IMMP2L: variants seen among roughly 807,000 people sequenced by gnomAD.
IMMP2L encodes mitochondrial inner membrane protease subunit 2.
A neutral mutation model predicts 19.3 loss-of-function variants in IMMP2L; 18 were observed. That is an observed-to-expected ratio of 0.93 (90% confidence interval 0.64 to 1.38). The LOEUF is 1.38. IMMP2L is among the 40% of genes most tolerant of loss of function. The pLI is 0.00. For synonymous variants in IMMP2L, 76 were observed against 73.0 expected (o/e 1.04, Z -0.21); for missense variants, 233 against 218.2 (o/e 1.07, Z -0.43).
intron 3 of IMMP2L, among the ~76,000 whole-genome samples, chr7:111,170,155 A>G (rs969107848): frequency 2.6e-5 from 4 of 151,860 alleles, no homozygotes; most frequent in Admixed American, 2.6e-4. Flanking sequence ...CATTTGGAAG[A>G]AAAAAACCCA....
chr7:111,402,112 C>T (rs1478443366), intron 3 of IMMP2L, among the ~76,000 whole-genome samples: 1 of 134,758 alleles, frequency 7.4e-6, no homozygotes, highest in Non-Finnish European at 1.6e-5. Context: ...CATAGCAAGA[C>T]CCCATCTCAA....
chr7:110,886,476 T>A lies in IMMP2L; in HGVS notation c.408+117A>T, dbSNP rs1441287456. 11 of 635,714 alleles carry A rather than the reference T, an allele frequency of 1.7e-5. No individual in the cohort carries two copies. In the East Asian group the frequency reaches 2.7e-4, roughly 16 times the overall value. 39.4% of individuals were successfully genotyped at this position (635,714 alleles called of 1,614,324 possible). On this transcript the variant is annotated intron_variant, in intron 5 of 5. Transcript: ENST00000405709. ...AAGGAAATTTTCAAACATAAACTATTCCAGTATAAATTTCATGATCAGTCT... is the reference window on the plus strand; with the variant it reads ...AAGGAAATTTTCAAACATAAACTATACCAGTATAAATTTCATGATCAGTCT...
At chr7:111,164,795 T>C (rs1349111027) in intron 3 of IMMP2L, among the ~76,000 whole-genome samples, 3 of 152,074 alleles carry the variant, frequency 2.0e-5, no homozygotes, top group Non-Finnish European at 4.4e-5. Context: ...GGACATGCCA[T>C]TTTGTCATTT....
chr7:111,424,046 C>T (rs1038679130), intron 3 of IMMP2L, among the ~76,000 whole-genome samples: 1 of 151,862 alleles, frequency 6.6e-6, no homozygotes, highest in Admixed American at 6.6e-5. Context: ...ATCTGATCAA[C>T]TTTGAATAAT....
intron 3 of IMMP2L, among the ~76,000 whole-genome samples, chr7:111,323,691 C>T (rs1003392249): frequency 1.1e-4 from 17 of 152,046 alleles, no homozygotes; most frequent in African/African-American, 3.9e-4. Flanking sequence ...CACATCCACG[C>T]ATATGTTTAT....
intron 3 of IMMP2L, among the ~76,000 whole-genome samples, chr7:111,028,090 TAAG>T (rs1827042402): frequency 6.6e-6 from 1 of 152,120 alleles, no homozygotes; most frequent in African/African-American, 2.4e-5. Flanking sequence ...GTTAAAAGTT[TAAG>T]AAGTTCAAAA....
intron 3 of IMMP2L, among the ~76,000 whole-genome samples, chr7:111,318,795 A>G (rs1470770038): frequency 2.6e-5 from 4 of 152,162 alleles, no homozygotes; most frequent in Non-Finnish European, 5.9e-5. Flanking sequence ...GGACTATTAC[A>G]TAATTGGTAT....
chr7:111,047,993 A>G (rs1261030845), intron 3 of IMMP2L, among the ~76,000 whole-genome samples: 1 of 151,682 alleles, frequency 6.6e-6, no homozygotes, highest in African/African-American at 2.4e-5. Context: ...TAATCCCAGC[A>G]CTTTGGGAGG....
chr7:111,124,398 A>G (rs1801033283), intron 3 of IMMP2L: 3 of 1,613,708 alleles, frequency 1.9e-6, no homozygotes, highest in Non-Finnish European at 2.5e-6. Context: ...TGTCCTGGAA[A>G]GCAAGTTCTA....
chr7:111,218,633 T>C (rs1812211567), intron 3 of IMMP2L, among the ~76,000 whole-genome samples: 1 of 152,052 alleles, frequency 6.6e-6, no homozygotes, highest in African/African-American at 2.4e-5. Flanking sequence ...AGTCTCGAGA[T>C]GGGAGAACTC....
At chr7:111,317,893 A>T (rs1376197125) in intron 3 of IMMP2L, among the ~76,000 whole-genome samples, 1 of 152,198 alleles carries the variant, frequency 6.6e-6, no homozygotes, top group African/African-American at 2.4e-5. Flanking sequence ...AAGGTTCAAT[A>T]AAATTTGTTA....
At chr7:110,674,033 C>T (rs1792110501) in intron 5 of IMMP2L, among the ~76,000 whole-genome samples, 1 of 152,170 alleles carries the variant, frequency 6.6e-6, no homozygotes, top group Non-Finnish European at 1.5e-5. Flanking sequence ...TTAGTCCATT[C>T]TCATGCTGCT....
intron 1 of IMMP2L, among the ~76,000 whole-genome samples, chr7:111,522,612 T>C (rs1228052067): frequency 2.6e-5 from 4 of 151,886 alleles, no homozygotes; most frequent in African/African-American, 9.7e-5. Flanking sequence ...CCACCCCAGT[T>C]AGAATGGCCA....
intron 3 of IMMP2L, among the ~76,000 whole-genome samples, chr7:111,239,767 G>A (rs1178060805): frequency 1.3e-5 from 2 of 151,910 alleles, no homozygotes; most frequent in African/African-American, 2.4e-5. Context: ...AATGTAGGGG[G>A]AAAAATGAGC....
intron 5 of IMMP2L, among the ~76,000 whole-genome samples, chr7:110,786,091 A>T (rs556482036): frequency 6.6e-6 from 1 of 152,080 alleles, no homozygotes; most frequent in South Asian, 2.1e-4. Flanking sequence ...GTATATTAAC[A>T]ATAAATATTA....
At chr7:110,935,325 A>G (rs181629398) in intron 4 of IMMP2L, among the ~76,000 whole-genome samples, 1,722 of 152,224 alleles carry the variant, frequency 0.011, 32 homozygotes, top group African/African-American at 0.039. Flanking sequence ...AATATTGTCC[A>G]CCACTCTCTT....
intron 1 of IMMP2L, among the ~76,000 whole-genome samples, chr7:111,523,436 T>A (rs762997245): frequency 1.1e-4 from 16 of 151,978 alleles, no homozygotes; most frequent in Non-Finnish European, 2.4e-4. Flanking sequence ...AAAATAAAAA[T>A]ACTCAACCAC....
intron 3 of IMMP2L, among the ~76,000 whole-genome samples, chr7:111,068,510 G>A (rs1794697218): frequency 1.3e-5 from 2 of 152,032 alleles, no homozygotes; most frequent in Admixed American, 1.3e-4. Context: ...CAGTTCTGTG[G>A]GGGAAGTGAG....
At chr7:110,962,811 C>A in intron 4 of IMMP2L, 1 of 1,198,820 alleles carries the variant, frequency 8.3e-7, no homozygotes, top group Admixed American at 4.3e-5. Context: ...GGTCAGAAAA[C>A]TTCCTCAATG....
Sources: allele counts gnomAD v4.1 joint callset (sites outside exome capture counted in the v4.1 genomes callset), GRCh38; gene constraint gnomAD v4.1.1; transcripts MANE v1.5; gene names NCBI Gene and HGNC (gene_info 2026-07-23, HGNC 2026-07-21).